LRRC4C: variants seen among roughly 807,000 people sequenced by gnomAD.
The protein encoded by LRRC4C is leucine rich repeat containing 4C, also known as leucine-rich repeat-containing protein 4C.
A neutral mutation model predicts 33.6 loss-of-function variants in LRRC4C; 5 were observed. The ratio of observed to expected loss-of-function variants is 0.15; its 90% CI spans 0.08 to 0.31. LRRC4C has a LOEUF of 0.31. LRRC4C is among the 10% of genes least tolerant of loss of function. The pLI is 1.00. For missense variants in LRRC4C, 560 were observed against 796.7 expected (o/e 0.70, Z 3.58); for synonymous variants, 329 against 302.0 (o/e 1.09, Z -0.93).
chr11:40,704,596 A>C (rs573586660), intron 2 of LRRC4C, among the ~76,000 whole-genome samples: 1 of 152,270 alleles, frequency 6.6e-6, no homozygotes, highest in African/African-American at 2.4e-5. Flanking sequence ...TAACCCTGTT[A>C]GTTTTTGATG....
intron 2 of LRRC4C, among the ~76,000 whole-genome samples, chr11:40,929,125 G>C (rs1470625891): frequency 2.6e-5 from 4 of 152,116 alleles, no homozygotes; most frequent in African/African-American, 9.7e-5. Flanking sequence ...ATTGGTATTA[G>C]ACACTTCCTC....
chr11:40,347,851 G>A (rs990509993), intron 3 of LRRC4C, among the ~76,000 whole-genome samples: 1 of 152,124 alleles, frequency 6.6e-6, no homozygotes. Context: ...CAGGTGATCC[G>A]CCTGCCTTGG....
At chr11:41,440,338 C>A (rs1399976353) in intron 1 of LRRC4C, among the ~76,000 whole-genome samples, 2 of 152,076 alleles carry the variant, frequency 1.3e-5, no homozygotes. Flanking sequence ...AAATTACTGA[C>A]ATGGCATAAT....
chr11:40,768,372 A>AT (rs1949585131), intron 2 of LRRC4C, among the ~76,000 whole-genome samples: 2 of 152,066 alleles, frequency 1.3e-5, no homozygotes, highest in African/African-American at 4.8e-5. Flanking sequence ...TCACTGATGA[A>AT]TTTTACCAAA....
At chr11:41,362,812 C>A (rs1319856330) in intron 1 of LRRC4C, among the ~76,000 whole-genome samples, 2 of 151,406 alleles carry the variant, frequency 1.3e-5, no homozygotes, top group Non-Finnish European at 2.9e-5. Flanking sequence ...TGGCTCATAA[C>A]CCCTTCCTTC....
At chr11:41,212,593 C>G (rs73485510) in intron 1 of LRRC4C, among the ~76,000 whole-genome samples, 5,623 of 152,302 alleles carry the variant, frequency 0.037, 148 homozygotes, top group African/African-American at 0.068. Context: ...CACCCCTCCC[C>G]TCAACAGGCC....
At chr11:41,281,832 T>C (rs999183557) in intron 1 of LRRC4C, among the ~76,000 whole-genome samples, 1 of 152,240 alleles carries the variant, frequency 6.6e-6, no homozygotes, top group Non-Finnish European at 1.5e-5. Flanking sequence ...GGTTGGTTTG[T>C]AGCAGTCATG....
intron 3 of LRRC4C, chr11:40,447,061 C>A (rs1951669158): frequency 6.2e-6 from 1 of 162,030 alleles, no homozygotes. Flanking sequence ...AGGTCTCCAG[C>A]ATTATGTCCC....
At chr11:41,226,215 C>A (rs1947527365) in intron 1 of LRRC4C, among the ~76,000 whole-genome samples, 1 of 152,080 alleles carries the variant, frequency 6.6e-6, no homozygotes, top group South Asian at 2.1e-4. Flanking sequence ...CCTTTCATGA[C>A]TTTCTGAGAT....
chr11:40,800,638 G>T (rs1951003473), intron 2 of LRRC4C, among the ~76,000 whole-genome samples: 1 of 152,078 alleles, frequency 6.6e-6, no homozygotes, highest in Admixed American at 6.6e-5. Context: ...AAGCTTTAGA[G>T]GCATTAGTCA....
At chr11:41,241,246 A>G (rs769283015) in intron 1 of LRRC4C, among the ~76,000 whole-genome samples, 2 of 152,184 alleles carry the variant, frequency 1.3e-5, no homozygotes, top group Non-Finnish European at 2.9e-5. Flanking sequence ...CCCAGGAGGA[A>G]TAAATGATTC....
chr11:40,264,699 C>A (rs1942119007), intron 4 of LRRC4C, among the ~76,000 whole-genome samples: 1 of 152,098 alleles, frequency 6.6e-6, no homozygotes, highest in East Asian at 1.9e-4. Context: ...GGAAAAACTG[C>A]CAAGAAGAGA....
chr11:40,801,577 A>C (rs1951043565), intron 2 of LRRC4C, among the ~76,000 whole-genome samples: 1 of 152,238 alleles, frequency 6.6e-6, no homozygotes, highest in Admixed American at 6.5e-5. Flanking sequence ...GGATGTGCTC[A>C]AACAACATTT....
intron 5 of LRRC4C, among the ~76,000 whole-genome samples, chr11:40,200,097 C>T (rs532014413): frequency 6.9e-6 from 1 of 145,264 alleles, no homozygotes; most frequent in East Asian, 2.1e-4. Context: ...AATCCCAGCG[C>T]TTTGGGAGGC....
chr11:40,343,568 C>T (rs1318881484), intron 3 of LRRC4C, among the ~76,000 whole-genome samples: 1 of 151,806 alleles, frequency 6.6e-6, no homozygotes, highest in Admixed American at 6.6e-5. Context: ...TCCATGCGTT[C>T]TCATTGATTA....
intron 3 of LRRC4C, among the ~76,000 whole-genome samples, chr11:40,457,452 G>A (rs1357275095): frequency 1.3e-5 from 2 of 152,164 alleles, no homozygotes; most frequent in Admixed American, 6.6e-5. Flanking sequence ...TTAAGGCAGG[G>A]CACTTGTATC....
intron 3 of LRRC4C, among the ~76,000 whole-genome samples, chr11:40,571,579 C>T (rs1957985658): frequency 6.6e-6 from 1 of 152,152 alleles, no homozygotes; most frequent in Admixed American, 6.6e-5. Context: ...CACATGACTC[C>T]TGACTTTCAG....
chr11:40,693,115 C>T (rs970296746), intron 2 of LRRC4C, among the ~76,000 whole-genome samples: 14 of 151,854 alleles, frequency 9.2e-5, no homozygotes, highest in Non-Finnish European at 2.1e-4. Flanking sequence ...TTTTTTACCG[C>T]ACACACACAC....
intron 3 of LRRC4C, among the ~76,000 whole-genome samples, chr11:40,398,509 C>T (rs1013923339): frequency 1.3e-5 from 2 of 151,908 alleles, no homozygotes; most frequent in African/African-American, 4.8e-5. Context: ...CTTTGTTGAA[C>T]CAATGGATAA....
Sources: gnomAD v4.1 joint callset for allele counts (sites outside exome capture counted in the v4.1 genomes callset) on GRCh38, gnomAD v4.1.1 for gene constraint, MANE v1.5 for transcripts, NCBI Gene and HGNC (gene_info 2026-07-23, HGNC 2026-07-21) for gene names.